Variants in ARHGAP15 observed in about 807,000 individuals in gnomAD.
The protein encoded by ARHGAP15 is rho GTPase-activating protein 15.
In ARHGAP15, 51 loss-of-function variants were observed where a neutral mutation model predicts 63.7. The observed-to-expected ratio is 0.80, with a 90% CI of 0.64 to 1.01. ARHGAP15 has a LOEUF of 1.01. Among genes scored for constraint, ARHGAP15 ranks in the 50% least tolerant of loss-of-function variants. ARHGAP15 has a pLI of 0.00. For synonymous variants in ARHGAP15, 191 were observed against 193.8 expected, an observed-to-expected ratio of 0.99 and a Z score of 0.12; for missense variants, 560 against 564.6, an observed-to-expected ratio of 0.99 and a Z score of 0.08.
intron 9 of ARHGAP15, among the ~76,000 whole-genome samples, chr2:143,507,818 C>T (rs1693391834): frequency 6.6e-6 from 1 of 152,120 alleles, no homozygotes; most frequent in South Asian, 2.1e-4. Flanking sequence ...CTGTCTCTTC[C>T]TTCATCAGTA....
At chr2:143,481,378 T>C (rs1271473104) in intron 8 of ARHGAP15, among the ~76,000 whole-genome samples, 2 of 152,104 alleles carry the variant, frequency 1.3e-5, no homozygotes, top group Non-Finnish European at 2.9e-5. Context: ...ATTTCTGAAA[T>C]GTTGGCTGTC....
intron 4 of ARHGAP15, among the ~76,000 whole-genome samples, chr2:143,225,355 A>C (rs1046766996): frequency 2.0e-5 from 3 of 152,150 alleles, no homozygotes; most frequent in Non-Finnish European, 2.9e-5. Context: ...TAATCCCAGC[A>C]CTTTGGGAGG....
chr2:143,341,993 C>T lies in ARHGAP15; in HGVS notation c.474+91393C>T, dbSNP rs540514945. On this transcript the variant is annotated intron_variant, in intron 6 of 13. Transcript: ENST00000295095. ...TTAATCATTAAAAATACATATAAAC[C>T]CTATTTTGTATTTAGCTTATCCAAT... Among the ~76,000 whole-genome samples, 7 of 151,956 alleles carry T rather than the reference C, an allele frequency of 4.6e-5. 1 individual carries two copies. The South Asian group carries it at 1.5e-3, about 32-fold the overall frequency.
intron 5 of ARHGAP15, 91 bp downstream of exon 5, chr2:143,228,759 T>C: frequency 1.2e-6 from 1 of 857,042 alleles, no homozygotes; most frequent in South Asian, 2.3e-5. Context: ...CACTAAAACC[T>C]CCAAGCTACC....
intron 13 of ARHGAP15, among the ~76,000 whole-genome samples, chr2:143,764,912 C>A (rs1016810180): frequency 7.2e-5 from 11 of 152,130 alleles, no homozygotes; most frequent in Admixed American, 2.6e-4. Flanking sequence ...CCCCATTCAC[C>A]TTTGTACCTT....
At chr2:143,219,293 G>A (rs1369969117) in intron 4 of ARHGAP15, among the ~76,000 whole-genome samples, 3 of 152,160 alleles carry the variant, frequency 2.0e-5, no homozygotes, top group African/African-American at 7.2e-5. Flanking sequence ...AGGAGCAATA[G>A]GCTATGCCAT....
chr2:143,404,891 GT>G (rs1458249615), intron 6 of ARHGAP15, among the ~76,000 whole-genome samples: 1 of 151,966 alleles, frequency 6.6e-6, no homozygotes, highest in African/African-American at 2.4e-5. Flanking sequence ...TTAGGTAGTG[GT>G]GAGAACTTAC....
intron 8 of ARHGAP15, among the ~76,000 whole-genome samples, chr2:143,461,149 G>C (rs1690914391): frequency 6.6e-6 from 1 of 151,814 alleles, no homozygotes; most frequent in Admixed American, 6.6e-5. Context: ...AATTAGCCAG[G>C]CACGGTGGCG....
At chr2:143,723,379 G>A (rs529230579) in intron 13 of ARHGAP15, among the ~76,000 whole-genome samples, 2 of 152,352 alleles carry the variant, frequency 1.3e-5, no homozygotes, top group East Asian at 1.9e-4. Context: ...CTGGAGCAAA[G>A]CCGGAAAGCC....
At chr2:143,341,079 TCCCTTCC>T (rs1685037384) in intron 6 of ARHGAP15, among the ~76,000 whole-genome samples, 1 of 152,054 alleles carries the variant, frequency 6.6e-6, no homozygotes, top group Admixed American at 6.6e-5. Context: ...TGCAGAGAAG[TCCCTTCC>T]TCTCTTCTCT....
intron 12 of ARHGAP15, among the ~76,000 whole-genome samples, chr2:143,673,649 A>T (rs1682645311): frequency 6.7e-6 from 1 of 148,248 alleles, no homozygotes; most frequent in South Asian, 2.2e-4. Context: ...AGTCACCATT[A>T]AAAAAAATGA....
intron 6 of ARHGAP15, among the ~76,000 whole-genome samples, chr2:143,407,591 C>T (rs1159032195): frequency 1.3e-5 from 2 of 151,640 alleles, no homozygotes; most frequent in African/African-American, 4.8e-5. Context: ...TTTTTTGTTG[C>T]TTTGATGGAA....
chr2:143,434,059 C>G (rs978205396), intron 6 of ARHGAP15, among the ~76,000 whole-genome samples: 5 of 152,048 alleles, frequency 3.3e-5, no homozygotes, highest in Admixed American at 6.6e-5. Context: ...CAAACATCAC[C>G]TGAGCTGTCT....
intron 6 of ARHGAP15, among the ~76,000 whole-genome samples, chr2:143,326,865 C>T (rs961106117): frequency 6.6e-6 from 1 of 152,258 alleles, no homozygotes; most frequent in Non-Finnish European, 1.5e-5. Flanking sequence ...GACAAGGATG[C>T]CCTCTCTCCA....
chr2:143,377,716 A>G (rs781544285), intron 6 of ARHGAP15, among the ~76,000 whole-genome samples: 4 of 152,104 alleles, frequency 2.6e-5, no homozygotes, highest in Non-Finnish European at 5.9e-5. Context: ...ACAGCAATAA[A>G]TTAACAAAGT....
intron 12 of ARHGAP15, among the ~76,000 whole-genome samples, chr2:143,665,891 A>G (rs1288941911): frequency 1.4e-5 from 2 of 144,762 alleles, no homozygotes; most frequent in African/African-American, 5.1e-5. Flanking sequence ...AAGGAGAACT[A>G]CAAACCACTG....
At chr2:143,759,451 A>C (rs533039477) in intron 13 of ARHGAP15, among the ~76,000 whole-genome samples, 1 of 152,188 alleles carries the variant, frequency 6.6e-6, no homozygotes, top group Non-Finnish European at 1.5e-5. Context: ...CATTTTCTCA[A>C]AGTTGTATGT....
At chr2:143,182,510 G>A (rs1558798841) in intron 2 of ARHGAP15, among the ~76,000 whole-genome samples, 1 of 152,156 alleles carries the variant, frequency 6.6e-6, no homozygotes, top group East Asian at 1.9e-4. Flanking sequence ...AAAGATGGGT[G>A]GTGGGGAGGA....
At chr2:143,589,625 C>A (rs921049807) in intron 11 of ARHGAP15, among the ~76,000 whole-genome samples, 1 of 152,032 alleles carries the variant, frequency 6.6e-6, no homozygotes, top group Non-Finnish European at 1.5e-5. Context: ...TGCCTTAAAC[C>A]CATCCCTCTT....
Sources: gnomAD v4.1 joint callset for allele counts (sites outside exome capture counted in the v4.1 genomes callset) on GRCh38, gnomAD v4.1.1 for gene constraint, MANE v1.5 for transcripts, NCBI Gene and HGNC (gene_info 2026-07-23, HGNC 2026-07-21) for gene names.